The following SLC25A26 variants were observed in gnomAD, a reference collection of about 807,000 sequenced individuals.
SLC25A26 encodes solute carrier family 25 member 26.
SLC25A26 carries 36 observed loss-of-function variants against 37.8 expected under a neutral mutation model. The observed-to-expected ratio is 0.95, with a 90% CI of 0.73 to 1.26. SLC25A26 has a LOEUF of 1.26. Ranked by LOEUF, SLC25A26 falls within the 50% of genes most tolerant of loss-of-function variation. The probability of loss-of-function intolerance (pLI) is 0.00; values close to 1 mark genes in which losing one functional copy is unlikely to be tolerated. For missense variants in SLC25A26, 390 were observed against 331.1 expected (o/e 1.18, Z -1.38); for synonymous variants, 129 against 122.5 (o/e 1.05, Z -0.35).
At chr3:66,363,842 TGTA>T (rs1293852868) in intron 7 of SLC25A26, among the ~76,000 whole-genome samples, 1 of 152,214 alleles carries the variant, frequency 6.6e-6, no homozygotes, top group African/African-American at 2.4e-5. Flanking sequence ...TCATTTGACT[TGTA>T]GAATTGATAA....
At chr3:66,174,035 A>C (rs2070538777) in intron 1 of SLC25A26, among the ~76,000 whole-genome samples, 1 of 152,086 alleles carries the variant, frequency 6.6e-6, no homozygotes, top group Non-Finnish European at 1.5e-5. Flanking sequence ...CCTAGGTGAC[A>C]GAGCAAGATT....
At chr3:66,243,094 C>T (rs1354619732) in intron 2 of SLC25A26, 109 bp from the exon 3 acceptor site, 5 of 617,226 alleles carry the variant, frequency 8.1e-6, no homozygotes, top group African/African-American at 1.9e-5. Context: ...CACCTTTTCT[C>T]TTATCTCATA....
chr3:66,222,021 G>T (rs552098707), intron 1 of SLC25A26, among the ~76,000 whole-genome samples: 2 of 152,098 alleles, frequency 1.3e-5, no homozygotes, highest in African/African-American at 4.8e-5. Context: ...ATAGTAAAAT[G>T]ACTGTTGGGA....
chr3:66,270,272 TTTC>T (rs2107347899), intron 5 of SLC25A26, among the ~76,000 whole-genome samples: 1 of 152,344 alleles, frequency 6.6e-6, no homozygotes, highest in African/African-American at 2.4e-5. Context: ...ATTCATTTAC[TTTC>T]TTCATCTTAG....
rs148952015 is a variant in SLC25A26 at position 66,162,633 on chromosome 3, C to T, written c.-354+28649C>T. On this transcript the variant is annotated intron_variant, in intron 1 of 10. Transcript: ENST00000676754. ...TTTGTCATCTGAGTTAAAGATGGGA[C>T]AATAGGCACATGGAGGAATTTTAGG... is the stretch of plus-strand genomic sequence containing the variant. 3.4e-4 allele frequency among the ~76,000 whole-genome samples: 52 copies of T among 152,160 alleles called. No individual in the cohort carries two copies. The East Asian group carries it at 9.5e-3, about 28-fold the overall frequency.
At chr3:66,352,425 TTTG>T (rs147134038) in intron 6 of SLC25A26, among the ~76,000 whole-genome samples, 1 of 136,490 alleles carries the variant, frequency 7.3e-6, no homozygotes, top group East Asian at 3.7e-4. Context: ...CCCCTCGTTT[TTTG>T]TTTTTTGTTT....
intron 6 of SLC25A26, among the ~76,000 whole-genome samples, chr3:66,350,587 C>G (rs1312199667): frequency 1.3e-5 from 2 of 152,154 alleles, no homozygotes; most frequent in Non-Finnish European, 2.9e-5. Context: ...CACTTAGGTT[C>G]TCAGGAACAT....
intron 1 of SLC25A26, among the ~76,000 whole-genome samples, chr3:66,135,847 A>G (rs2069938312): frequency 6.6e-6 from 1 of 152,222 alleles, no homozygotes; most frequent in African/African-American, 2.4e-5. Flanking sequence ...AAGACTTTGG[A>G]ATAAATAAAA....
chr3:66,228,333 G>T (rs1205242727), intron 1 of SLC25A26, among the ~76,000 whole-genome samples: 2 of 152,166 alleles, frequency 1.3e-5, no homozygotes, highest in African/African-American at 4.8e-5. Flanking sequence ...GAAAGTTTTA[G>T]TATTTGATAA....
chr3:66,186,885 T>C (rs1239764622), intron 1 of SLC25A26, among the ~76,000 whole-genome samples: 2 of 152,068 alleles, frequency 1.3e-5, no homozygotes, highest in Admixed American at 6.6e-5. Flanking sequence ...GACCTGACCA[T>C]GTCCCTGAGC....
chr3:66,235,094 A>G (rs1444963971), intron 1 of SLC25A26, among the ~76,000 whole-genome samples: 1 of 152,158 alleles, frequency 6.6e-6, no homozygotes, highest in Non-Finnish European at 1.5e-5. Flanking sequence ...TAAGTAGTGC[A>G]TCTGTATTGA....
At position 66,261,962 on chromosome 3, in the gene SLC25A26, C is replaced by A. The variant is rs1576740776; in HGVS notation, c.301-89C>A. 7 of 717,438 alleles carry A rather than the reference C, an allele frequency of 9.8e-6. No individual in the cohort carries two copies. In the East Asian group the frequency reaches 1.7e-4, roughly 17 times the overall value. 44.4% of individuals were successfully genotyped at this position (717,438 alleles called of 1,614,324 possible). On this transcript the variant is annotated intron_variant, in intron 3 of 9. Coordinates refer to ENST00000354883, the MANE Select transcript of SLC25A26 (RefSeq NM_001379210.1). ...TCTTGCAGTAAGCCTACATATTATA[C>A]CTTTTTACTACAATTTTTGCTTACC... is the stretch of plus-strand genomic sequence containing the variant.
At chr3:66,227,786 C>A (rs1227020739) in intron 1 of SLC25A26, among the ~76,000 whole-genome samples, 2 of 152,170 alleles carry the variant, frequency 1.3e-5, no homozygotes, top group Non-Finnish European at 2.9e-5. Context: ...AACCACCTTA[C>A]AGGCAGTAGG....
At chr3:66,326,265 A>C (rs1322134516) in intron 5 of SLC25A26, among the ~76,000 whole-genome samples, 1 of 152,188 alleles carries the variant, frequency 6.6e-6, no homozygotes, top group Non-Finnish European at 1.5e-5. Context: ...AATCGAAAGG[A>C]TATTCCTAGC....
intron 1 of SLC25A26, among the ~76,000 whole-genome samples, chr3:66,180,806 C>T: frequency 6.6e-6 from 1 of 152,230 alleles, no homozygotes; most frequent in Non-Finnish European, 1.5e-5. Flanking sequence ...ACGTGTCCCC[C>T]TCAGATTCAT....
At chr3:66,355,986 A>C (rs75462746) in intron 6 of SLC25A26, 1 of 455,420 alleles carries the variant, frequency 2.2e-6, no homozygotes, top group South Asian at 1.6e-5. Flanking sequence ...TACTTATTTT[A>C]CTACATGTAT....
At chr3:66,309,621 C>T (rs1215540899) in intron 5 of SLC25A26, among the ~76,000 whole-genome samples, 1 of 152,108 alleles carries the variant, frequency 6.6e-6, no homozygotes, top group African/African-American at 2.4e-5. Flanking sequence ...AGATCTTTCC[C>T]ACTTTCGCCT....
chr3:66,245,638 AT>A (rs2072799082), intron 3 of SLC25A26, among the ~76,000 whole-genome samples: 1 of 152,204 alleles, frequency 6.6e-6, no homozygotes, highest in African/African-American at 2.4e-5. Context: ...TATATTGTGA[AT>A]TTGTTTTTGA....
At chr3:66,310,816 G>A (rs1194681690) in intron 5 of SLC25A26, among the ~76,000 whole-genome samples, 1 of 152,150 alleles carries the variant, frequency 6.6e-6, no homozygotes, top group Non-Finnish European at 1.5e-5. Context: ...GTTGAATATT[G>A]GCCTTTACTC....
Sources: allele counts gnomAD v4.1 joint callset (sites outside exome capture counted in the v4.1 genomes callset), GRCh38; gene constraint gnomAD v4.1.1; transcripts MANE v1.5; gene names NCBI Gene and HGNC (gene_info 2026-07-23, HGNC 2026-07-21).